The following KPNA5 variants were observed in gnomAD, a reference collection of about 807,000 sequenced individuals.
The protein encoded by KPNA5 is importin subunit alpha-6.
Under a neutral mutation model 71.3 loss-of-function variants are expected in KPNA5, and 46 were observed. The observed-to-expected ratio is 0.65, with a 90% CI of 0.51 to 0.83. The LOEUF (loss-of-function observed/expected upper bound fraction) is 0.83. Ranked by LOEUF, KPNA5 falls within the 40% of genes least tolerant of loss-of-function variation. KPNA5 has a pLI of 0.00. For synonymous variants in KPNA5, 207 were observed against 201.4 expected, an observed-to-expected ratio of 1.03 and a Z score of -0.24; for missense variants, 547 against 628.3, an observed-to-expected ratio of 0.87 and a Z score of 1.38.
intron 6 of KPNA5, among the ~76,000 whole-genome samples, chr6:116,703,573 A>G (rs1227798276): frequency 6.6e-6 from 1 of 152,246 alleles, no homozygotes; most frequent in African/African-American, 2.4e-5. Flanking sequence ...AAAAGATAAA[A>G]TTTTTAAAGC....
chr6:116,716,180 ATG>A (rs953166180), intron 7 of KPNA5, 37 bp from the exon 8 acceptor site: 1 of 1,457,698 alleles, frequency 6.9e-7, no homozygotes, highest in African/African-American at 1.4e-5. Context: ...GGAAAAATGA[ATG>A]TAAGGTGATA....
At chr6:116,689,220 G>A in intron 1 of KPNA5, 100 bp from the exon 2 acceptor site, 6 of 1,271,914 alleles carry the variant, frequency 4.7e-6, no homozygotes, top group Non-Finnish European at 6.6e-6. Context: ...TTGTTGACCT[G>A]TTAATCAGTG....
intron 13 of KPNA5, 40 bp from the exon 14 acceptor site, chr6:116,732,074 TTATATATATATATATATATATA>T (rs2243369): frequency 0.018 from 1,222 of 67,716 alleles, 88 homozygotes; most frequent in East Asian, 0.13. Context: ...AACAGTTTGT[TTATATATATATATATATATATA>T]TATATATATA....
At chr6:116,695,353 A>G (rs1777985190) in intron 4 of KPNA5, among the ~76,000 whole-genome samples, 2 of 152,088 alleles carry the variant, frequency 1.3e-5, no homozygotes, top group Non-Finnish European at 2.9e-5. Flanking sequence ...ATAATTGCCT[A>G]TTTGTGTTAT....
At chr6:116,722,091 G>GA (rs1224407092) in intron 8 of KPNA5, 35 bp from the exon 9 acceptor site, 1 of 1,444,028 alleles carries the variant, frequency 6.9e-7, no homozygotes, top group African/African-American at 1.4e-5. Flanking sequence ...TTTAAATAGA[G>GA]AAAAAATTTA....
intron 7 of KPNA5, among the ~76,000 whole-genome samples, chr6:116,711,631 T>G (rs2114450544): frequency 6.6e-6 from 1 of 152,222 alleles, no homozygotes; most frequent in African/African-American, 2.4e-5. Flanking sequence ...TAGTTTTCTG[T>G]CTGTATTTTT....
rs181380076 is a variant in KPNA5, at chr6:116,716,403, C to T, written c.756+85C>T. On this transcript the variant is annotated intron_variant, in intron 8 of 13. Transcript: ENST00000368564. ...TAGCTTTTTGATGTTTAAGGAACTC[C>T]ACTTTTTGTTTAGTAATTATTTTCT... 307 of 870,732 alleles carry T rather than the reference C, an allele frequency of 3.5e-4. 1 individual carries two copies. The East Asian group carries it at 7.4e-3, about 21-fold the overall frequency. The allele number at this position is 870,732 out of a possible 1,614,324, so 53.9% of individuals were successfully genotyped here.
Position 116,732,763 on chromosome 6 carries a change from C to T in KPNA5, c.*440C>T, listed in dbSNP as rs1779543802. 6.6e-6 allele frequency: 1 copy of T among 151,644 alleles called. No homozygotes were observed. The allele number at this position is 151,644 out of a possible 1,614,324, so 9.4% of individuals were successfully genotyped here. On this transcript the variant is annotated 3_prime_UTR_variant, in exon 14 of 14. Coordinates refer to ENST00000368564, the MANE Select transcript of KPNA5 (RefSeq NM_001366306.2). ...TACTAAATCTACCTCTATCTTGAAGCAGAAATAAAAACAAAAAAGCTTCAG... is the reference window on the plus strand; with the variant it reads ...TACTAAATCTACCTCTATCTTGAAGTAGAAATAAAAACAAAAAAGCTTCAG...
At chr6:116,687,783 T>G (rs558300199) in intron 1 of KPNA5, among the ~76,000 whole-genome samples, 1 of 152,218 alleles carries the variant, frequency 6.6e-6, no homozygotes, top group Non-Finnish European at 1.5e-5. Context: ...TCAGAAATAT[T>G]TCTAGAATCC....
intron 1 of KPNA5, among the ~76,000 whole-genome samples, chr6:116,684,718 G>A (rs1328073354): frequency 6.6e-6 from 1 of 152,110 alleles, no homozygotes; most frequent in Non-Finnish European, 1.5e-5. Flanking sequence ...GATCACTCCA[G>A]ATCCCTGTCC....
At chr6:116,721,995 TAAAAC>T (rs2114484846) in intron 8 of KPNA5, 126 bp from the exon 9 acceptor site, 1 of 600,004 alleles carries the variant, frequency 1.7e-6, no homozygotes, top group East Asian at 3.0e-5. Flanking sequence ...ATTATAATTT[TAAAAC>T]AATATAAATT....
intron 4 of KPNA5, 33 bp from the exon 5 acceptor site, chr6:116,698,671 T>G: frequency 1.6e-6 from 2 of 1,273,526 alleles, no homozygotes; most frequent in Non-Finnish European, 2.3e-6. Context: ...TTTTTGTGTC[T>G]TTGTAATAAC....
chr6:116,700,596 T>C (rs1778194781), intron 5 of KPNA5, among the ~76,000 whole-genome samples: 1 of 152,220 alleles, frequency 6.6e-6, no homozygotes, highest in South Asian at 2.1e-4. Context: ...ACCCAAGTGC[T>C]TGTGAAATAT....
At chr6:116,705,281 T>G in intron 7 of KPNA5, 121 bp downstream of exon 7, 2 of 656,594 alleles carry the variant, frequency 3.0e-6, no homozygotes, top group Non-Finnish European at 4.9e-6. Context: ...AAGCCTGCAG[T>G]AGCTTGACAG....
chr6:116,727,618 C>T (rs916437884), intron 12 of KPNA5, among the ~76,000 whole-genome samples: 3 of 151,966 alleles, frequency 2.0e-5, no homozygotes, highest in Admixed American at 6.6e-5. Context: ...AACCAATCTC[C>T]GATGAAACCG....
At position 116,732,421 on chromosome 6, in the gene KPNA5, G is replaced by A. The variant is rs1200583490; in HGVS notation, c.*98G>A. 2 of 593,594 alleles carry A rather than the reference G, an allele frequency of 3.4e-6. No homozygotes were observed. The highest frequency in any genetic ancestry group is 7.6e-5 in the Admixed American group (2 of 26,196). 36.8% of individuals were successfully genotyped at this position (593,594 alleles called of 1,614,324 possible). On this transcript the variant is annotated 3_prime_UTR_variant, in exon 14 of 14. Coordinates refer to ENST00000368564, the MANE Select transcript of KPNA5 (RefSeq NM_001366306.2). The stretch of plus-strand genomic sequence containing the variant: ...AATGTTTGTTTTTTTACATAGAACA[G>A]TAAAGAGAATTTGATGCACTTTTAG...
At chr6:116,730,924 C>T (rs192609471) in intron 13 of KPNA5, among the ~76,000 whole-genome samples, 8 of 150,350 alleles carry the variant, frequency 5.3e-5, no homozygotes, top group East Asian at 3.9e-4. Context: ...ACTTTTTCCT[C>T]GGTCTATTTT....
intron 7 of KPNA5, among the ~76,000 whole-genome samples, chr6:116,709,062 CA>C (rs926205334): frequency 5.3e-5 from 8 of 152,076 alleles, no homozygotes; most frequent in African/African-American, 1.9e-4. Context: ...TCTGGGATTA[CA>C]AGTGTGAGCC....
chr6:116,720,152 A>G (rs1358816786), intron 8 of KPNA5, among the ~76,000 whole-genome samples: 2 of 152,014 alleles, frequency 1.3e-5, no homozygotes, highest in African/African-American at 4.8e-5. Flanking sequence ...CTCTTCCTCT[A>G]CTTTAGCACC....
Sources: gnomAD v4.1 joint callset for allele counts (sites outside exome capture counted in the v4.1 genomes callset) on GRCh38, gnomAD v4.1.1 for gene constraint, MANE v1.5 for transcripts, NCBI Gene and HGNC (gene_info 2026-07-23, HGNC 2026-07-21) for gene names.